DHRS7: variants seen among roughly 807,000 people sequenced by gnomAD.
The protein encoded by DHRS7 is dehydrogenase/reductase 7, also known as dehydrogenase/reductase SDR family member 7.
Under a neutral mutation model 38.9 loss-of-function variants are expected in DHRS7, and 34 were observed. The ratio of observed to expected loss-of-function variants is 0.87; its 90% CI spans 0.66 to 1.16. The LOEUF (loss-of-function observed/expected upper bound fraction) is 1.16, where lower values mean the gene tolerates loss of function less well. Ranked by LOEUF, DHRS7 falls within the 50% of genes most tolerant of loss-of-function variation. The pLI is 0.00. For synonymous variants in DHRS7, 158 were observed against 153.1 expected, an observed-to-expected ratio of 1.03 and a Z score of -0.24; for missense variants, 421 against 407.0, an observed-to-expected ratio of 1.03 and a Z score of -0.30.
chr14:60,156,974 A>G (rs1363303427), intron 1 of DHRS7, among the ~76,000 whole-genome samples: 1 of 152,172 alleles, frequency 6.6e-6, no homozygotes, highest in East Asian at 1.9e-4. Context: ...GATGATATTC[A>G]CTGTCTCTCT....
At chr14:60,149,267 C>G in intron 6 of DHRS7, 86 bp downstream of exon 6, 2 of 1,335,738 alleles carry the variant, frequency 1.5e-6, no homozygotes, top group South Asian at 1.2e-5. Flanking sequence ...CTGCACCCAG[C>G]CAGAAAGTTT....
At chr14:60,168,979 T>C, upstream of DHRS7, 1 of 402,712 alleles carries the variant, frequency 2.5e-6, no homozygotes, top group Admixed American at 4.4e-5. Context: ...TATGTTAACA[T>C]ACATTGCACC....
At chr14:60,164,897 A>C (rs1422047223) in intron 1 of DHRS7, among the ~76,000 whole-genome samples, 4 of 152,198 alleles carry the variant, frequency 2.6e-5, no homozygotes, top group African/African-American at 9.6e-5. Flanking sequence ...CGCCGACTCC[A>C]GTGCTCTCTT....
At chr14:60,155,913 C>T in intron 2 of DHRS7, 87 bp downstream of exon 2, 1 of 1,288,774 alleles carries the variant, frequency 7.8e-7, no homozygotes, top group East Asian at 2.8e-5. Context: ...GGGGAAATCT[C>T]ACTCCTCTCT....
chr14:60,168,595 A>T, upstream of DHRS7: 1 of 1,411,310 alleles, frequency 7.1e-7, no homozygotes, highest in Non-Finnish European at 9.5e-7. Flanking sequence ...AGTTAAAAAA[A>T]TTAGGTTAAA....
chr14:60,151,653 A>G (rs1896548333), intron 4 of DHRS7, among the ~76,000 whole-genome samples: 1 of 152,142 alleles, frequency 6.6e-6, no homozygotes, highest in African/African-American at 2.4e-5. Context: ...CAAACACTAA[A>G]ACCTCTCCTT....
upstream of DHRS7, chr14:60,165,689 C>T (rs890614682): frequency 2.0e-6 from 2 of 1,018,278 alleles, no homozygotes; most frequent in South Asian, 4.2e-5. This position sits in a 1 kb window ranked among gnomAD's most constrained non-coding sequence, Gnocchi z 4.6. Flanking sequence ...ACGTTATTTC[C>T]TCTCTGTACA....
At position 60,153,146 on chromosome 14, in the gene DHRS7, G is replaced by A. The variant is rs761678548; in HGVS notation, c.426C>T (p.Ser142=). The A allele has an allele frequency of 1.5e-5, 24 of 1,614,034 alleles. No homozygotes were observed. The African/African-American group carries it at 2.9e-4, about 20-fold the overall frequency. Residue 142 remains serine, a synonymous_variant, in exon 4 of 7, where the codon TCC becomes TCT. Coordinates refer to ENST00000557185, the MANE Select transcript of DHRS7 (RefSeq NM_016029.4). The surrounding 1 kb of genome is among the most constrained non-coding windows in gnomAD (Gnocchi z 4.4). ...IDILVNNGGM[S]QRSLCMDTSL... ...TGGTATCCATGCACAGAGAACGCTGGGACATTCCACCATTGTTGACCAGAA... is the reference window on the plus strand; with the variant it reads ...TGGTATCCATGCACAGAGAACGCTGAGACATTCCACCATTGTTGACCAGAA...
In DHRS7 at chr14:60,162,176, G is replaced by A. The variant is rs952147006; in HGVS notation, c.133+3001C>T. On this transcript the variant is annotated intron_variant, in intron 1 of 6. Transcript: ENST00000557185. The surrounding 1 kb of genome is among the most constrained non-coding windows in gnomAD (Gnocchi z 4.5). ...GGATCACTTGAGGCCAGGAGTTCAA[G>A]ACCAGCCTGGAACATAGTGAGAGCC... Among the ~76,000 whole-genome samples, 2 of 152,128 alleles carry A rather than the reference G, an allele frequency of 1.3e-5. No homozygotes were observed. The highest frequency in any genetic ancestry group is 2.9e-5 in the Non-Finnish European group (2 of 68,020).
Position 60,144,401 on chromosome 14 carries a change from C to T in DHRS7, c.*565G>A, listed in dbSNP as rs1896346924. 6.5e-6 allele frequency: 1 copy of T among 153,150 alleles called. No homozygotes were observed. The highest frequency in any genetic ancestry group is 2.4e-5 in the African/African-American group (1 of 41,444). The allele number at this position is 153,150 out of a possible 1,614,324, so 9.5% of individuals were successfully genotyped here. ...AAAGCAACAGTATTAAAGGATGTGG[C>T]CTTTAAGAGGTGACTGAGTAATGAA... On this transcript the variant is annotated 3_prime_UTR_variant, in exon 7 of 7. Coordinates refer to ENST00000557185, the MANE Select transcript of DHRS7 (RefSeq NM_016029.4).
At position 60,153,908 on chromosome 14, in the gene DHRS7, C is replaced by T; in HGVS notation, c.393+51G>A. ...ATGACAGCACCACGGATGGGAATCT[C>T]TTCTGCAGTTACTTCAAAGCAAGAC... On this transcript the variant is annotated intron_variant, in intron 3 of 6. Transcript: ENST00000557185. This position sits in a 1 kb window ranked among gnomAD's most constrained non-coding sequence, Gnocchi z 4.4. 1 of 1,526,600 alleles carries T rather than the reference C, an allele frequency of 6.6e-7. No homozygotes were observed. Among genetic ancestry groups the T allele is most frequent in the Non-Finnish European group, 9.1e-7 (1 of 1,101,214 alleles). 94.6% of individuals were successfully genotyped at this position (1,526,600 alleles called of 1,614,324 possible).
At chr14:60,156,214 G>C in intron 1 of DHRS7, 62 bp from the exon 2 acceptor site, 1 of 1,285,988 alleles carries the variant, frequency 7.8e-7, no homozygotes, top group Non-Finnish European at 1.0e-6. Context: ...ATAAATCCAA[G>C]ATTAGAAAAA....
chr14:60,159,205 T>C (rs1374885343), intron 1 of DHRS7: 2 of 366,132 alleles, frequency 5.5e-6, no homozygotes, highest in Admixed American at 8.0e-5. Flanking sequence ...TCAGAGGAGA[T>C]GCGGTTACGG....
intron 1 of DHRS7, among the ~76,000 whole-genome samples, chr14:60,163,042 C>T (rs186328585): frequency 6.6e-6 from 1 of 152,000 alleles, no homozygotes; most frequent in African/African-American, 2.4e-5. Flanking sequence ...TGGTGGCACG[C>T]ACCTGTAATC....
chr14:60,144,761 T>C lies in DHRS7; in HGVS notation c.*205A>G. ...TAAAAGGTTATTTTATCCAAGAATA[T>C]AGTATGAGTTAATACCTTTTTTGCA... On this transcript the variant is annotated 3_prime_UTR_variant, in exon 7 of 7. Transcript: ENST00000557185. 1.8e-6 allele frequency: 1 copy of C among 540,912 alleles called. No homozygotes were observed. The highest frequency in any genetic ancestry group is 3.2e-6 in the Non-Finnish European group (1 of 311,050). 33.5% of individuals were successfully genotyped at this position (540,912 alleles called of 1,614,324 possible). A position where few individuals can be genotyped will look rare whatever the true frequency, so the allele number is the denominator to read the frequency against.
At position 60,153,132 on chromosome 14, in the gene DHRS7, C is replaced by A. The variant is rs1273983527; in HGVS notation, c.440G>T (p.Cys147Phe). The change falls in exon 4 of 7, where the codon TGC becomes TTC. Residue 147 changes from cysteine to phenylalanine, a missense_variant. By Grantham distance (205) the Cys-to-Phe change is radical. Transcript: ENST00000557185. The surrounding 1 kb of genome is among the most constrained non-coding windows in gnomAD (Gnocchi z 4.4). ...NNGGMSQRSL[C>F]MDTSLDVYRK... ...GTAGACATCCAAGCTGGTATCCATG[C>A]ACAGAGAACGCTGGGACATTCCACC... is the stretch of plus-strand genomic sequence containing the variant. 4 of 1,614,024 alleles carry A rather than the reference C, an allele frequency of 2.5e-6. No homozygotes were observed. The East Asian group carries it at 8.9e-5, about 36-fold the overall frequency.
intron 5 of DHRS7, 115 bp downstream of exon 5, chr14:60,149,950 T>C (rs556605636): frequency 2.8e-4 from 297 of 1,054,786 alleles, no homozygotes; most frequent in Non-Finnish European, 3.7e-4. Context: ...TGTGAATAAT[T>C]CACATAAAAG....
intron 2 of DHRS7, among the ~76,000 whole-genome samples, chr14:60,154,608 T>A (rs1896620026): frequency 6.6e-6 from 1 of 152,078 alleles, no homozygotes; most frequent in Admixed American, 6.5e-5. Context: ...TTTCTGTTCA[T>A]CAAAAGAACA....
At chr14:60,156,197 T>TA in intron 1 of DHRS7, 45 bp from the exon 2 acceptor site, 3 of 1,434,784 alleles carry the variant, frequency 2.1e-6, no homozygotes, top group Non-Finnish European at 2.8e-6. Context: ...AGCAATGAAT[T>TA]ACGCTCATAA....
Sources: allele counts gnomAD v4.1 joint callset (sites outside exome capture counted in the v4.1 genomes callset), GRCh38; gene constraint gnomAD v4.1.1; non-coding constraint Gnocchi (gnomAD v3.1); transcripts MANE v1.5; gene names NCBI Gene and HGNC (gene_info 2026-07-23, HGNC 2026-07-21).